Variants in SEC13 observed in about 807,000 individuals in gnomAD.
The protein encoded by SEC13 is SEC13 homolog, nuclear pore and COPII component.
In SEC13, 25 loss-of-function variants were observed where a neutral mutation model predicts 49.2. The ratio of observed to expected loss-of-function variants is 0.51; its 90% CI spans 0.37 to 0.71. SEC13 has a LOEUF of 0.71. Among genes scored for constraint, SEC13 ranks in the 30% least tolerant of loss-of-function variants. SEC13 has a pLI of 0.00. For synonymous variants in SEC13, 148 were observed against 163.9 expected, an observed-to-expected ratio of 0.90 and a Z score of 0.74; for missense variants, 383 against 417.6, an observed-to-expected ratio of 0.92 and a Z score of 0.72.
At chr3:10,306,881 C>T (rs768698105) in intron 5 of SEC13, among the ~76,000 whole-genome samples, 13 of 152,164 alleles carry the variant, frequency 8.5e-5, no homozygotes, top group Non-Finnish European at 1.6e-4. Flanking sequence ...TGTGAGTTCT[C>T]CATCCTCTTT....
Position 10,318,033 on chromosome 3 carries a change from G to A in SEC13, c.48+17C>T, listed in dbSNP as rs751077675. 1 of 1,579,058 alleles carries A rather than the reference G, an allele frequency of 6.3e-7. No individual in the cohort carries two copies. The highest frequency in any genetic ancestry group is 1.1e-5 in the South Asian group (1 of 89,998). ...CCATGTCCACACCCCTCCAGGGAGG[G>A]TGATATTAATACTTACAATCATGTC... On this transcript the variant is annotated intron_variant, in intron 2 of 8. Coordinates refer to ENST00000350697, the MANE Select transcript of SEC13 (RefSeq NM_183352.3).
rs374384300 is a variant in SEC13 at position 10,301,060 on chromosome 3, G to A, written c.*201C>T. On this transcript the variant is annotated 3_prime_UTR_variant, in exon 9 of 9. Coordinates refer to ENST00000350697, the MANE Select transcript of SEC13 (RefSeq NM_183352.3). ...ACTTGTAGTTTCTTCCTCGTAACAT[G>A]AGTGCTTTCAGCTGGACAGTAGATT... The A allele has an allele frequency of 1.2e-6, 2 of 1,607,122 alleles. No individual in the cohort carries two copies. Among genetic ancestry groups the A allele is most frequent in the Non-Finnish European group, 1.7e-6 (2 of 1,176,698 alleles).
intron 1 of SEC13, chr3:10,319,045 AT>A (rs758453966): frequency 3.1e-5 from 36 of 1,150,646 alleles, no homozygotes; most frequent in African/African-American, 9.4e-5. Context: ...AAAAGCTGTT[AT>A]TTTTTTTCTT....
intron 8 of SEC13, among the ~76,000 whole-genome samples, chr3:10,302,472 A>G (rs569021748): frequency 8.5e-5 from 13 of 152,248 alleles, no homozygotes; most frequent in Admixed American, 2.0e-4. Context: ...CTAAATGCAC[A>G]GTGACGGGCC....
At chr3:10,302,703 C>T (rs1039137274) in intron 8 of SEC13, among the ~76,000 whole-genome samples, 3 of 152,130 alleles carry the variant, frequency 2.0e-5, no homozygotes, top group African/African-American at 4.8e-5. Flanking sequence ...CCAGAAAAGC[C>T]GCCTGCAGAG....
rs545156236 is a variant in SEC13, at chr3:10,301,112, C to T, written c.*149G>A. 1.2e-6 allele frequency: 2 copies of T among 1,613,544 alleles called. No individual in the cohort carries two copies. The highest frequency in any genetic ancestry group is 2.2e-5 in the East Asian group (1 of 44,882). On this transcript the variant is annotated 3_prime_UTR_variant, in exon 9 of 9. Coordinates refer to ENST00000350697, the MANE Select transcript of SEC13 (RefSeq NM_183352.3). Reference sequence around the variant, plus strand: ...CAAAGCATCTCCGATCACGTTAAGGCAGATGATCAATCTGTGGCTGCATCT... The same window carrying T: ...CAAAGCATCTCCGATCACGTTAAGGTAGATGATCAATCTGTGGCTGCATCT...
rs201804192 is a variant in SEC13, at chr3:10,312,554, C to T, written c.316+25G>A. The stretch of plus-strand genomic sequence containing the variant: ...TTTTTTACCCAGTGGTCCCCTTGCC[C>T]GCTCTGCTGCCAAGCTCAGCATACC... On this transcript the variant is annotated intron_variant, in intron 4 of 8. Coordinates refer to ENST00000350697, the MANE Select transcript of SEC13 (RefSeq NM_183352.3). The T allele has an allele frequency of 5.3e-5, 85 of 1,612,846 alleles. 1 individual carries two copies. In the East Asian group the frequency reaches 9.6e-4, roughly 18 times the overall value.
Position 10,312,088 on chromosome 3 carries a change from C to T in SEC13, c.327G>A (p.Val109=), listed in dbSNP as rs771220659. 2 of 1,602,410 alleles carry T rather than the reference C, an allele frequency of 1.2e-6. No homozygotes were observed. The highest frequency in any genetic ancestry group is 1.1e-5 in the South Asian group (1 of 89,536). The part of the protein sequence containing the change: ...HAGHDSSVNS[V]CWAPHDYGLI... The stretch of plus-strand genomic sequence containing the variant: ...GGCCGTAGTCATGGGGGGCCCAGCA[C>T]ACCGAGTTCACTGCGGGAAGAGGGA... Residue 109 remains valine, a synonymous_variant, in exon 5 of 9, where the codon GTG becomes GTA. Transcript: ENST00000350697.
intron 3 of SEC13, chr3:10,314,072 C>G (rs1257454756): frequency 3.3e-5 from 5 of 152,238 alleles, no homozygotes; most frequent in African/African-American, 1.2e-4. Context: ...ACAAAACACA[C>G]AGAACTAGGC....
chr3:10,303,641 C>CA (rs746196552), intron 8 of SEC13: 33 of 284,644 alleles, frequency 1.2e-4, no homozygotes, highest in Admixed American at 2.4e-4. Flanking sequence ...GTGTTATGGA[C>CA]AAAAAATATC....
chr3:10,302,987 A>G (rs1206364859), intron 8 of SEC13, among the ~76,000 whole-genome samples: 1 of 152,238 alleles, frequency 6.6e-6, no homozygotes, highest in Non-Finnish European at 1.5e-5. Flanking sequence ...GAGCAGTCAC[A>G]TTCACATAGA....
chr3:10,312,073 A>C lies in SEC13; in HGVS notation c.342T>G (p.His114Gln). ...CACAGGCCAGGATCAGGCCGTAGTC[A>C]TGGGGGGCCCAGCACACCGAGTTCA... ...SSVNSVCWAP[H>Q]DYGLILACGS... The change falls in exon 5 of 9, where the codon CAT becomes CAG. Residue 114 changes from histidine to glutamine, a missense_variant. Physicochemically the swap from His to Gln is conservative, Grantham distance 24 (BLOSUM62 0). Transcript: ENST00000350697. 1 of 1,609,650 alleles carries C rather than the reference A, an allele frequency of 6.2e-7. No homozygotes were observed. Among genetic ancestry groups the C allele is most frequent in the Non-Finnish European group, 8.5e-7 (1 of 1,177,916 alleles).
chr3:10,307,625 T>A (rs955053827), intron 5 of SEC13, among the ~76,000 whole-genome samples: 2 of 152,156 alleles, frequency 1.3e-5, no homozygotes, highest in African/African-American at 4.8e-5. Context: ...TCAGATCTTG[T>A]GAGACTTATT....
At chr3:10,304,638 G>C (rs987334736) in intron 7 of SEC13, among the ~76,000 whole-genome samples, 1 of 152,168 alleles carries the variant, frequency 6.6e-6, no homozygotes, top group African/African-American at 2.4e-5. Flanking sequence ...ATAACTGAAG[G>C]CTCACCCTTG....
intron 5 of SEC13, among the ~76,000 whole-genome samples, chr3:10,307,122 T>C (rs2125253353): frequency 6.6e-6 from 1 of 152,126 alleles, no homozygotes; most frequent in Middle Eastern, 3.4e-3. Flanking sequence ...GGTAAGATCA[T>C]GGTTCACTGC....
In SEC13 at chr3:10,305,312, T is replaced by TAA. The variant is rs34924741; in HGVS notation, c.585-158_585-157dup. On this transcript the variant is annotated intron_variant, in intron 6 of 8. Coordinates refer to ENST00000350697, the MANE Select transcript of SEC13 (RefSeq NM_183352.3). ...CATTTTATTCCCTTCACCCCAGCTG[T>TAA]AAAAAAAACCCTCCAGAAAATGCTC... 11,375 of 1,161,694 alleles carry TAA rather than the reference T, an allele frequency of 9.8e-3. 118 individuals carry two copies. The highest frequency in any genetic ancestry group is 0.047 in the South Asian group (2,790 of 59,148). 72.0% of individuals were successfully genotyped at this position (1,161,694 alleles called of 1,614,324 possible).
chr3:10,307,144 T>G (rs930775105), intron 5 of SEC13, among the ~76,000 whole-genome samples: 1 of 151,858 alleles, frequency 6.6e-6, no homozygotes, highest in Admixed American at 6.6e-5. Context: ...GCCTCAAACT[T>G]CGTAGGCTCA....
intron 3 of SEC13, chr3:10,315,115 T>C: frequency 1.9e-6 from 1 of 516,600 alleles, no homozygotes; most frequent in Non-Finnish European, 3.5e-6. Flanking sequence ...GATTCACACC[T>C]GTATCCACCT....
In SEC13 at chr3:10,312,720, G is replaced by A; in HGVS notation, c.175C>T (p.Pro59Ser). The change falls in exon 4 of 9, where the codon CCT (proline) becomes TCT (serine). Residue 59 changes from proline to serine, a missense_variant. Coordinates refer to ENST00000350697, the MANE Select transcript of SEC13 (RefSeq NM_183352.3). ...LIADLRGHEG[P>S]VWQVAWAHPM... ...TGAGCCCAGGCCACTTGCCACACAG[G>A]ACCCTCATGACTACAAAGGGAGAGA... 6.2e-7 allele frequency: 1 copy of A among 1,614,190 alleles called. No homozygotes were observed. Among genetic ancestry groups the A allele is most frequent in the Non-Finnish European group, 8.5e-7 (1 of 1,180,024 alleles).
Sources: gnomAD v4.1 joint callset for allele counts (sites outside exome capture counted in the v4.1 genomes callset) on GRCh38, gnomAD v4.1.1 for gene constraint, MANE v1.5 for transcripts, NCBI Gene and HGNC (gene_info 2026-07-23, HGNC 2026-07-21) for gene names.